Variants in MAF observed in about 807,000 individuals in gnomAD.
The protein encoded by MAF is MAF bZIP transcription factor, also known as transcription factor Maf.
MAF carries 10 observed loss-of-function variants against 22.0 expected under a neutral mutation model. The observed-to-expected ratio is 0.45, with a 90% CI of 0.28 to 0.77. The LOEUF (loss-of-function observed/expected upper bound fraction) is 0.77. Ranked by LOEUF, MAF falls within the 30% of genes least tolerant of loss-of-function variation. The probability of loss-of-function intolerance (pLI) is 0.12; values close to 1 mark genes in which losing one functional copy is unlikely to be tolerated. For missense variants in MAF, 544 were observed against 548.4 expected, an observed-to-expected ratio of 0.99 and a Z score of 0.08; for synonymous variants, 337 against 255.8, an observed-to-expected ratio of 1.32 and a Z score of -3.03.
Position 79,599,908 on chromosome 16 carries a change from TGCCGCCGCCGCC to T in MAF, c.-18_-7del, listed in dbSNP as rs5818251. 4,963 of 1,554,540 alleles carry T rather than the reference TGCCGCCGCCGCC, an allele frequency of 3.2e-3. 16 individuals are homozygous for T. The highest frequency in any genetic ancestry group is 5.8e-3 in the South Asian group (518 of 89,316). Reference sequence around the variant, plus strand: ...ATTGCCAGTTCTGATGCCATTCTCCTGCCGCCGCCGCCGCCGCCGCCGCCGCTCCGCCAGATG... The same window carrying T: ...ATTGCCAGTTCTGATGCCATTCTCCTGCCGCCGCCGCCGCTCCGCCAGATG... On this transcript the variant is annotated 5_prime_UTR_variant, in exon 1 of 2. Transcript: ENST00000326043.
the MAF span, among the ~76,000 whole-genome samples, chr16:79,312,841 C>A: frequency 5.3e-5 from 8 of 152,174 alleles, no homozygotes; most frequent in East Asian, 1.6e-3. Context: ...AAGACAGGCA[C>A]CTTTGCAAGT....
the MAF span, among the ~76,000 whole-genome samples, chr16:79,564,975 A>G: frequency 6.6e-6 from 1 of 152,160 alleles, no homozygotes; most frequent in Non-Finnish European, 1.5e-5. Context: ...AACCTTACAC[A>G]TGTCTTACAT....
At chr16:79,209,779 C>A in the MAF span, among the ~76,000 whole-genome samples, 1 of 152,194 alleles carries the variant, frequency 6.6e-6, no homozygotes. Context: ...CTTTTCCCCA[C>A]ATGGGATGCA....
At chr16:79,240,644 G>A in the MAF span, among the ~76,000 whole-genome samples, 2 of 151,762 alleles carry the variant, frequency 1.3e-5, no homozygotes, top group Admixed American at 6.6e-5. Flanking sequence ...GACCTGGCCT[G>A]ATGGCTCTAA....
the MAF span, among the ~76,000 whole-genome samples, chr16:79,231,080 T>C: frequency 6.6e-6 from 1 of 152,084 alleles, no homozygotes; most frequent in African/African-American, 2.4e-5. Context: ...CTTATTAGTT[T>C]TGCCCCAGGA....
the MAF span, among the ~76,000 whole-genome samples, chr16:79,310,560 G>T: frequency 6.6e-6 from 1 of 152,164 alleles, no homozygotes; most frequent in Non-Finnish European, 1.5e-5. Context: ...CAAAGAGGTG[G>T]CTCATCTCAC....
the MAF span, among the ~76,000 whole-genome samples, chr16:79,397,327 T>C: frequency 6.6e-6 from 1 of 152,232 alleles, no homozygotes; most frequent in African/African-American, 2.4e-5. Flanking sequence ...TGCAGATTAA[T>C]GCTGCTTTGT....
the MAF span, among the ~76,000 whole-genome samples, chr16:79,235,849 T>C: frequency 2.0e-5 from 3 of 152,180 alleles, no homozygotes; most frequent in South Asian, 6.2e-4. Flanking sequence ...TTGTCTTAAC[T>C]ATTCACTGAT....
the MAF span, among the ~76,000 whole-genome samples, chr16:79,579,677 A>C: frequency 6.6e-6 from 1 of 152,362 alleles, no homozygotes; most frequent in African/African-American, 2.4e-5. Flanking sequence ...TCTCCGAATA[A>C]CTGCCTCACT....
At chr16:79,364,188 G>A in the MAF span, among the ~76,000 whole-genome samples, 2 of 152,300 alleles carry the variant, frequency 1.3e-5, no homozygotes, top group East Asian at 3.9e-4. Flanking sequence ...CAGGGCAAAT[G>A]TTAAGCATAG....
At chr16:79,207,406 C>T in the MAF span, among the ~76,000 whole-genome samples, 1 of 152,218 alleles carries the variant, frequency 6.6e-6, no homozygotes, top group East Asian at 1.9e-4. Context: ...GGAACACTGC[C>T]GTCTTCAAAA....
chr16:79,490,386 G>T, the MAF span, among the ~76,000 whole-genome samples: 4 of 152,196 alleles, frequency 2.6e-5, no homozygotes, highest in African/African-American at 7.2e-5. Flanking sequence ...TGTGGGCTGG[G>T]CGAGCAGCCT....
the MAF span, among the ~76,000 whole-genome samples, chr16:79,408,855 G>C: frequency 2.0e-5 from 3 of 152,112 alleles, no homozygotes; most frequent in South Asian, 4.1e-4. Flanking sequence ...TAAGAAATCA[G>C]ATGGGGGGTC....
At chr16:79,459,398 T>C in the MAF span, among the ~76,000 whole-genome samples, 1 of 152,184 alleles carries the variant, frequency 6.6e-6, no homozygotes, top group Non-Finnish European at 1.5e-5. Flanking sequence ...GCCCACATGC[T>C]CTGGGAGAGT....
chr16:79,457,228 C>T, the MAF span, among the ~76,000 whole-genome samples: 139 of 152,220 alleles, frequency 9.1e-4, 1 homozygote, highest in Middle Eastern at 0.01. Flanking sequence ...GTGTCACTTG[C>T]AATTTTCACC....
chr16:79,373,789 C>G, the MAF span, among the ~76,000 whole-genome samples: 1 of 152,088 alleles, frequency 6.6e-6, no homozygotes, highest in Admixed American at 6.5e-5. Flanking sequence ...GCAAGAAGGC[C>G]CTCACCAGAT....
chr16:79,279,090 G>A, the MAF span, among the ~76,000 whole-genome samples: 27 of 152,254 alleles, frequency 1.8e-4, no homozygotes, highest in African/African-American at 5.8e-4. Flanking sequence ...CAGCTGCTCC[G>A]GAGGTAGCCC....
At chr16:79,320,239 A>C in the MAF span, among the ~76,000 whole-genome samples, 13 of 152,186 alleles carry the variant, frequency 8.5e-5, no homozygotes, top group Admixed American at 8.5e-4. Context: ...CTCTCTCTAT[A>C]TATATACTTA....
chr16:79,215,595 C>A, the MAF span, among the ~76,000 whole-genome samples: 7 of 152,162 alleles, frequency 4.6e-5, no homozygotes, highest in Admixed American at 4.6e-4. Flanking sequence ...TCTGTGGATC[C>A]TGCAGGGTTC....
Sources: allele counts gnomAD v4.1 joint callset (sites outside exome capture counted in the v4.1 genomes callset), GRCh38; gene constraint gnomAD v4.1.1; transcripts MANE v1.5; gene names NCBI Gene and HGNC (gene_info 2026-07-23, HGNC 2026-07-21).